SEMA3C: variants seen among roughly 807,000 people sequenced by gnomAD.
SEMA3C encodes the protein semaphorin-3C.
Under a neutral mutation model 89.4 loss-of-function variants are expected in SEMA3C, and 47 were observed. The ratio of observed to expected loss-of-function variants is 0.53; its 90% CI spans 0.42 to 0.67. The LOEUF is 0.67. Ranked by LOEUF, SEMA3C falls within the 30% of genes least tolerant of loss-of-function variation. SEMA3C has a pLI of 0.00. For synonymous variants in SEMA3C, 310 were observed against 320.2 expected (o/e 0.97, Z 0.34); for missense variants, 839 against 929.1 (o/e 0.90, Z 1.26).
chr7:80,749,537 T>C (rs1787878634), intron 16 of SEMA3C, among the ~76,000 whole-genome samples: 2 of 152,162 alleles, frequency 1.3e-5, no homozygotes, highest in Admixed American at 6.6e-5. Flanking sequence ...TGGTGGAATG[T>C]AGTGGTTGAG....
chr7:80,768,683 T>C (rs1285982273), intron 12 of SEMA3C, among the ~76,000 whole-genome samples: 1 of 152,166 alleles, frequency 6.6e-6, no homozygotes, highest in Non-Finnish European at 1.5e-5. Context: ...CCTTAATTTC[T>C]ATTAACAACC....
At chr7:80,799,927 G>T (rs144698416) in intron 10 of SEMA3C, among the ~76,000 whole-genome samples, 1 of 151,004 alleles carries the variant, frequency 6.6e-6, no homozygotes, top group Non-Finnish European at 1.5e-5. Flanking sequence ...TGAGGCTGGC[G>T]GATCACGAGG....
intron 2 of SEMA3C, among the ~76,000 whole-genome samples, chr7:80,915,341 A>G (rs1490956583): frequency 6.6e-6 from 1 of 152,182 alleles, no homozygotes; most frequent in African/African-American, 2.4e-5. Flanking sequence ...AGCAATTAGA[A>G]GCTCACACAT....
chr7:80,887,354 T>C (rs897111839), intron 2 of SEMA3C, among the ~76,000 whole-genome samples: 3 of 150,250 alleles, frequency 2.0e-5, no homozygotes, highest in African/African-American at 7.6e-5. Context: ...TGAAACTTTA[T>C]GTGAGTTTCT....
At chr7:80,895,817 A>T (rs1185651592) in intron 2 of SEMA3C, among the ~76,000 whole-genome samples, 1 of 152,126 alleles carries the variant, frequency 6.6e-6, no homozygotes. Context: ...GTGATGATTC[A>T]ATTTAGGGCT....
At chr7:80,850,646 A>G (rs1043793490) in intron 2 of SEMA3C, among the ~76,000 whole-genome samples, 2 of 152,176 alleles carry the variant, frequency 1.3e-5, no homozygotes, top group Non-Finnish European at 2.9e-5. Flanking sequence ...AAGGGTCTAG[A>G]CATATTTTTC....
At chr7:80,755,262 T>C (rs1210571099) in intron 15 of SEMA3C, among the ~76,000 whole-genome samples, 1 of 151,506 alleles carries the variant, frequency 6.6e-6, no homozygotes, top group East Asian at 1.9e-4. Flanking sequence ...AGAATGACAA[T>C]GTATATTTAA....
At chr7:80,792,552 C>T (rs1243673690) in intron 11 of SEMA3C, among the ~76,000 whole-genome samples, 2 of 152,160 alleles carry the variant, frequency 1.3e-5, no homozygotes, top group African/African-American at 4.8e-5. Context: ...AGTGCCTAGT[C>T]TCTGGCTTTT....
intron 2 of SEMA3C, among the ~76,000 whole-genome samples, chr7:80,839,488 A>C (rs563297304): frequency 2.6e-5 from 4 of 152,276 alleles, no homozygotes; most frequent in Admixed American, 6.5e-5. Context: ...AGGGTAAATA[A>C]GTGTACCTCT....
intron 2 of SEMA3C, among the ~76,000 whole-genome samples, chr7:80,872,306 G>A (rs544169656): frequency 3.0e-4 from 45 of 151,622 alleles, no homozygotes; most frequent in African/African-American, 9.4e-4. Flanking sequence ...ACGCACCACC[G>A]TGTCCAGCCA....
chr7:80,793,624 T>C, intron 11 of SEMA3C: 1 of 354,152 alleles, frequency 2.8e-6, no homozygotes, highest in South Asian at 2.3e-5. Flanking sequence ...CAAGAGGCAA[T>C]ATTTTTAAAA....
chr7:80,908,912 T>A (rs1792079510), intron 2 of SEMA3C, among the ~76,000 whole-genome samples: 1 of 152,170 alleles, frequency 6.6e-6, no homozygotes, highest in Non-Finnish European at 1.5e-5. Context: ...TTCATAAATT[T>A]AAAATAAGAA....
At chr7:80,838,132 CA>C (rs1790176859) in intron 2 of SEMA3C, among the ~76,000 whole-genome samples, 2 of 152,036 alleles carry the variant, frequency 1.3e-5, no homozygotes, top group South Asian at 4.1e-4. Context: ...AATACTTTAT[CA>C]CTATTAAAAA....
chr7:80,893,881 A>G (rs373364493), intron 2 of SEMA3C, among the ~76,000 whole-genome samples: 2 of 152,148 alleles, frequency 1.3e-5, no homozygotes, highest in African/African-American at 4.8e-5. Context: ...ACAGACAAGC[A>G]CTTTTAAAAT....
At chr7:80,801,593 G>A (rs927918865) in intron 9 of SEMA3C, among the ~76,000 whole-genome samples, 45 of 151,844 alleles carry the variant, frequency 3.0e-4, no homozygotes, top group Admixed American at 9.8e-4. Flanking sequence ...GAAACACAAA[G>A]AAATATGTAT....
chr7:80,772,455 C>T (rs2117075321), intron 12 of SEMA3C, among the ~76,000 whole-genome samples: 1 of 152,294 alleles, frequency 6.6e-6, no homozygotes, highest in Admixed American at 6.5e-5. Context: ...CAGGGTTTCT[C>T]ACATGGTAAG....
chr7:80,747,777 C>G (rs907439032), intron 17 of SEMA3C, among the ~76,000 whole-genome samples: 2 of 152,068 alleles, frequency 1.3e-5, no homozygotes, highest in Non-Finnish European at 2.9e-5. Context: ...AATGATGGGG[C>G]TCTGATGTCC....
intron 14 of SEMA3C, among the ~76,000 whole-genome samples, chr7:80,760,488 C>T (rs1788160548): frequency 6.6e-6 from 1 of 152,146 alleles, no homozygotes; most frequent in African/African-American, 2.4e-5. Flanking sequence ...GTTTGTTATG[C>T]ACCATACAAA....
At chr7:80,793,523 A>G in intron 11 of SEMA3C, 2 of 433,362 alleles carry the variant, frequency 4.6e-6, no homozygotes, top group Non-Finnish European at 9.0e-6. Context: ...TATTCAAAGC[A>G]AAATAACAAT....
Sources: gnomAD v4.1 joint callset for allele counts (sites outside exome capture counted in the v4.1 genomes callset) on GRCh38, gnomAD v4.1.1 for gene constraint, MANE v1.5 for transcripts, NCBI Gene and HGNC (gene_info 2026-07-23, HGNC 2026-07-21) for gene names.